Variants in CAPN15 observed in about 807,000 individuals in gnomAD.
CAPN15 encodes the protein calpain-15.
Under a neutral mutation model 97.9 loss-of-function variants are expected in CAPN15, and 53 were observed. The ratio of observed to expected loss-of-function variants is 0.54; its 90% CI spans 0.43 to 0.68. CAPN15 has a LOEUF of 0.68. CAPN15 is among the 30% of genes least tolerant of loss of function. CAPN15 has a pLI of 0.00. For synonymous variants in CAPN15, 922 were observed against 722.5 expected, an observed-to-expected ratio of 1.28 and a Z score of -4.43; for missense variants, 1,592 against 1,589.8, an observed-to-expected ratio of 1.00 and a Z score of -0.02.
chr16:554,177 C>CG lies in CAPN15; in HGVS notation c.*661_*662insG, dbSNP rs2035292837. The CG allele has an allele frequency of 3.6e-6, 1 of 279,984 alleles. No individual in the cohort carries two copies. Among genetic ancestry groups the CG allele is most frequent in the Non-Finnish European group, 7.0e-6 (1 of 142,054 alleles). 17.3% of individuals were successfully genotyped at this position (279,984 alleles called of 1,614,324 possible). On this transcript the variant is annotated 3_prime_UTR_variant, in exon 14 of 14. Transcript: ENST00000219611. ...GGGTGGGCACCAGTTCTCAGCACCG[C>CG]TCACTGCTGCCGGGCACACTGGGAC...
chr16:534,222 G>A (rs2033510626), intron 2 of CAPN15, among the ~76,000 whole-genome samples: 1 of 152,276 alleles, frequency 6.6e-6, no homozygotes, highest in Non-Finnish European at 1.5e-5. Context: ...GGGCGGCCCG[G>A]GGTCCCGACA....
intron 3 of CAPN15, 144 bp from the exon 4 acceptor site, chr16:546,673 C>T (rs1037116711): frequency 7.6e-5 from 85 of 1,122,292 alleles, no homozygotes; most frequent in Middle Eastern, 3.0e-4. Context: ...CCCCCACCGC[C>T]GCCTGCCTCA....
Position 552,145 on chromosome 16 carries a change from G to T in CAPN15, c.2440G>T (p.Gly814Trp). 1 of 1,547,480 alleles carries T rather than the reference G, an allele frequency of 6.5e-7. No individual in the cohort carries two copies. Among genetic ancestry groups the T allele is most frequent in the Middle Eastern group, 2.0e-4 (1 of 5,070 alleles). ...TCCCAGCTCGGCCAGCGCGCCCGTGGGGGTAACAGCGCTCACGGTGCTGGA... is the reference window on the plus strand; with the variant it reads ...TCCCAGCTCGGCCAGCGCGCCCGTGTGGGTAACAGCGCTCACGGTGCTGGA... ...CFPSSASAPV[G>W]VTALTVLERA... The change falls in exon 10 of 14, where the codon GGG becomes TGG. Residue 814 changes from glycine to tryptophan, a missense_variant. Gly to Trp is a radical substitution (Grantham distance 184). Coordinates refer to ENST00000219611, the MANE Select transcript of CAPN15 (RefSeq NM_005632.3). This position sits in a 1 kb window ranked among gnomAD's most constrained non-coding sequence, Gnocchi z 6.4.
intron 3 of CAPN15, among the ~76,000 whole-genome samples, chr16:542,200 G>A (rs775198528): frequency 4.6e-5 from 7 of 152,242 alleles, no homozygotes; most frequent in African/African-American, 1.4e-4. Context: ...ATTCATGGAC[G>A]CTAGGACTGC....
In CAPN15 at chr16:552,137, C is replaced by T. The variant is rs374207482; in HGVS notation, c.2432C>T (p.Ala811Val). ...GGCTGCTTTCCCAGCTCGGCCAGCG[C>T]GCCCGTGGGGGTAACAGCGCTCACG... ...VQGCFPSSAS[A>V]PVGVTALTVL... The change falls in exon 10 of 14, where the codon GCG becomes GTG. Residue 811 changes from alanine to valine, a missense_variant. Physicochemically the swap from Ala to Val is moderately conservative, Grantham distance 64 (BLOSUM62 0). Around this residue, in one of 3 missense-constraint regions of CAPN15, gnomAD observed 644 missense variants for 699.6 expected, o/e 0.92. Coordinates refer to ENST00000219611, the MANE Select transcript of CAPN15 (RefSeq NM_005632.3). The surrounding 1 kb of genome is among the most constrained non-coding windows in gnomAD (Gnocchi z 6.4). 181 of 1,547,770 alleles carry T rather than the reference C, an allele frequency of 1.2e-4. No homozygotes were observed. The highest frequency in any genetic ancestry group is 1.3e-4 in the Non-Finnish European group (146 of 1,146,230).
intron 4 of CAPN15, among the ~76,000 whole-genome samples, chr16:548,758 C>T (rs2034783369): frequency 6.6e-6 from 1 of 152,262 alleles, no homozygotes; most frequent in Admixed American, 6.5e-5. Flanking sequence ...CTGCGCTGTC[C>T]CCCTGGGCCC....
In CAPN15 at chr16:547,501, T is replaced by C; in HGVS notation, c.663T>C (p.Ala221=). Residue 221 remains alanine, a synonymous_variant, in exon 4 of 14, where the codon GCT becomes GCC. Coordinates refer to ENST00000219611, the MANE Select transcript of CAPN15 (RefSeq NM_005632.3). ...CCCCAGCCACCAGCCAGGGCCCAGC[T>C]GCCGAACCAGAGCCGCCCAGGGTCC... is the stretch of plus-strand genomic sequence containing the variant. ...ANPPATSQGP[A]AEPEPPRVPP... is the part of the protein sequence containing the mutation. The C allele has an allele frequency of 6.3e-7, 1 of 1,598,076 alleles. No homozygotes were observed. Among genetic ancestry groups the C allele is most frequent in the South Asian group, 1.1e-5 (1 of 90,986 alleles).
chr16:546,762 G>C, intron 3 of CAPN15, 55 bp from the exon 4 acceptor site: 2 of 1,504,664 alleles, frequency 1.3e-6, no homozygotes, highest in Non-Finnish European at 1.8e-6. Context: ...AGGAGGGTGG[G>C]GTCCAGCCAC....
chr16:548,419 C>T (rs1196645153), intron 4 of CAPN15, 132 bp downstream of exon 4: 3 of 933,032 alleles, frequency 3.2e-6, no homozygotes, highest in African/African-American at 1.8e-5. Context: ...AGGGCAGCAC[C>T]CTCCGCCCCG....
chr16:545,619 G>A (rs2034531972), intron 3 of CAPN15, among the ~76,000 whole-genome samples: 2 of 152,266 alleles, frequency 1.3e-5, no homozygotes, highest in African/African-American at 4.8e-5. Context: ...CACCCCGCTG[G>A]CGATTGTTTG....
In CAPN15 at chr16:553,720, C is replaced by A. The variant is rs1021274147; in HGVS notation, c.*204C>A. The A allele has an allele frequency of 8.3e-6, 4 of 479,498 alleles. No homozygotes were observed. The highest frequency in any genetic ancestry group is 7.9e-5 in the African/African-American group (4 of 50,490). 29.7% of individuals were successfully genotyped at this position (479,498 alleles called of 1,614,324 possible). A position where few individuals can be genotyped will look rare whatever the true frequency, so the allele number is the denominator to read the frequency against. ...CCCCACAGTCCGCCTGGCCAGGCCT[C>A]CTGGCCGCCACGCAGAATACCTCGA... On this transcript the variant is annotated 3_prime_UTR_variant, in exon 14 of 14. Transcript: ENST00000219611.
chr16:551,284 G>C lies in CAPN15; in HGVS notation c.2067-18G>C. The C allele has an allele frequency of 1.3e-6, 2 of 1,578,192 alleles. No individual in the cohort carries two copies. ...GTCGGTGAGGGTCCCGGTCGGTGAG[G>C]GCCGCTCTGCCACACAGGTTCCTCA... On this transcript the variant is annotated intron_variant, in intron 7 of 13. Transcript: ENST00000219611.
chr16:552,942 A>G lies in CAPN15; in HGVS notation c.2984A>G (p.Lys995Arg). ...LIVVVENRHP[K>R]AYLHVQCDCT... is the part of the protein sequence containing the mutation. Reference sequence around the variant, plus strand: ...GTGGTGGTGGAGAACCGACACCCCAAGGCCTACCTGCACGTGCAGTGTGAC... The same window carrying G: ...GTGGTGGTGGAGAACCGACACCCCAGGGCCTACCTGCACGTGCAGTGTGAC... The change falls in exon 13 of 14, where the codon AAG (lysine) becomes AGG (arginine). Residue 995 changes from lysine (K) to arginine (R), a missense_variant. Lys to Arg is a conservative substitution (Grantham distance 26). Around this residue, in one of 3 missense-constraint regions of CAPN15, gnomAD observed 644 missense variants for 699.6 expected, o/e 0.92. Coordinates refer to ENST00000219611, the MANE Select transcript of CAPN15 (RefSeq NM_005632.3). This position sits in a 1 kb window ranked among gnomAD's most constrained non-coding sequence, Gnocchi z 6.4. 3.1e-6 allele frequency: 5 copies of G among 1,612,000 alleles called. No individual in the cohort carries two copies. Among genetic ancestry groups the G allele is most frequent in the African/African-American group, 1.3e-5 (1 of 74,938 alleles).
rs527754463 is a variant in CAPN15 at position 547,450 on chromosome 16, C to A, written c.612C>A (p.Leu204=). The part of the protein sequence containing the change: ...HVVPAAPPPG[L]PGEGAEANPP... ...TGCCTGCCGCGCCTCCACCTGGCCTCCCCGGGGAAGGTGCCGAGGCCAACC... is the reference window on the plus strand; with the variant it reads ...TGCCTGCCGCGCCTCCACCTGGCCTACCCGGGGAAGGTGCCGAGGCCAACC... The change falls in exon 4 of 14, where the codon CTC becomes CTA. Residue 204 remains leucine (L), a synonymous_variant. Coordinates refer to ENST00000219611, the MANE Select transcript of CAPN15 (RefSeq NM_005632.3). 6.3e-7 allele frequency: 1 copy of A among 1,590,194 alleles called. No individual in the cohort carries two copies. The highest frequency in any genetic ancestry group is 1.3e-5 in the African/African-American group (1 of 74,726).
intron 1 of CAPN15, among the ~76,000 whole-genome samples, 161 bp downstream of exon 1, chr16:528,190 C>T (rs116698525): frequency 0.25 from 37,821 of 151,202 alleles, 7,741 homozygotes; most frequent in African/African-American, 0.56. Flanking sequence ...GGCAGGGCCC[C>T]CGGAGTGGGG....
chr16:549,098 C>T lies in CAPN15; in HGVS notation c.1555C>T (p.Gln519Ter). The T allele has an allele frequency of 6.2e-7, 1 of 1,612,566 alleles. No individual in the cohort carries two copies. Among genetic ancestry groups the T allele is most frequent in the Non-Finnish European group, 8.5e-7 (1 of 1,179,960 alleles). Reference sequence around the variant, plus strand: ...GCGTGTGAGGCAGTGGCTGCGACCCCAGGAGATCAACTGCTCCGTCTTCAG... The same window carrying T: ...GCGTGTGAGGCAGTGGCTGCGACCCTAGGAGATCAACTGCTCCGTCTTCAG... ...QQRVRQWLRP[Q>*]EINCSVFRDH... The change falls in exon 5 of 14, where the codon CAG (glutamine) becomes TAG (stop). Residue 519 changes from glutamine (Q) to a stop codon, truncating the protein, a stop_gained. Transcript: ENST00000219611. LOFTEE classifies it high-confidence loss of function.
intron 1 of CAPN15, among the ~76,000 whole-genome samples, chr16:532,384 A>G (rs745459354): frequency 2.7e-5 from 4 of 148,714 alleles, no homozygotes; most frequent in Non-Finnish European, 5.9e-5. Flanking sequence ...CGAAACCCCC[A>G]TCTCTACTAA....
At chr16:530,884 A>G (rs529433780) in intron 1 of CAPN15, among the ~76,000 whole-genome samples, 2 of 152,262 alleles carry the variant, frequency 1.3e-5, no homozygotes, top group South Asian at 4.1e-4. Context: ...CCTCCCCAGA[A>G]CTCATCCAGG....
chr16:542,991 C>G, intron 3 of CAPN15, among the ~76,000 whole-genome samples: 1 of 150,206 alleles, frequency 6.7e-6, no homozygotes, highest in African/African-American at 2.5e-5. Flanking sequence ...GCGGAGGTTG[C>G]AGTGAGCCAA....
Sources: allele counts gnomAD v4.1 joint callset (sites outside exome capture counted in the v4.1 genomes callset), GRCh38; gene constraint gnomAD v4.1.1; regional missense constraint gnomAD v4.1.1; non-coding constraint Gnocchi (gnomAD v3.1); transcripts MANE v1.5; gene names NCBI Gene and HGNC (gene_info 2026-07-23, HGNC 2026-07-21).